PCSK2: variants seen among roughly 807,000 people sequenced by gnomAD.
PCSK2 encodes proprotein convertase subtilisin/kexin type 2.
PCSK2 carries 14 observed loss-of-function variants against 69.7 expected under a neutral mutation model. That is an observed-to-expected ratio of 0.20 (90% CI 0.13 to 0.31). The LOEUF is 0.31. PCSK2 is among the 10% of genes least tolerant of loss of function. The probability of loss-of-function intolerance (pLI) is 1.00; values close to 1 mark genes in which losing one functional copy is unlikely to be tolerated. For missense variants in PCSK2, 544 were observed against 842.5 expected (o/e 0.65, Z 4.39); for synonymous variants, 307 against 320.7 (o/e 0.96, Z 0.46).
In PCSK2 at chr20:17,256,635, T is replaced by A. The variant is rs190050218; in HGVS notation, c.178-3605T>A. 4.5e-3 allele frequency among the ~76,000 whole-genome samples: 688 copies of A among 152,228 alleles called. 2 individuals are homozygous for A. Among genetic ancestry groups the A allele is most frequent in the Middle Eastern group, 0.01 (3 of 294 alleles). ...ACCCCTGTTTTTTTTTCTTTTTTTTTAATTATACTTTAAGTTCTGGGATAC... is the reference window on the plus strand; with the variant it reads ...ACCCCTGTTTTTTTTTCTTTTTTTTAAATTATACTTTAAGTTCTGGGATAC... On this transcript the variant is annotated intron_variant, in intron 1 of 11. Transcript: ENST00000262545.
chr20:17,235,258 T>C (rs771277388), intron 1 of PCSK2, among the ~76,000 whole-genome samples: 57 of 152,158 alleles, frequency 3.7e-4, no homozygotes, highest in Non-Finnish European at 6.9e-4. Context: ...TGACACACTC[T>C]TAATTTCCTG....
At chr20:17,285,292 T>C (rs1988473042) in intron 2 of PCSK2, among the ~76,000 whole-genome samples, 1 of 152,168 alleles carries the variant, frequency 6.6e-6, no homozygotes, top group African/African-American at 2.4e-5. Context: ...AAATAACTGA[T>C]TAGTTAACAT....
intron 10 of PCSK2, 138 bp downstream of exon 10, chr20:17,456,586 G>T (rs1435521046): frequency 3.2e-6 from 2 of 626,892 alleles, no homozygotes; most frequent in Non-Finnish European, 5.7e-6. Flanking sequence ...GAACTCTGCT[G>T]TGCATTTCTA....
intron 2 of PCSK2, among the ~76,000 whole-genome samples, chr20:17,329,669 T>C (rs1990161866): frequency 6.6e-6 from 1 of 152,236 alleles, no homozygotes; most frequent in South Asian, 2.1e-4. Flanking sequence ...TGCAGGATTG[T>C]TACACAAAAT....
chr20:17,424,766 C>T (rs928114346), intron 6 of PCSK2, among the ~76,000 whole-genome samples: 1 of 151,884 alleles, frequency 6.6e-6, no homozygotes, highest in Admixed American at 6.6e-5. Context: ...GCTGGGATTA[C>T]AGGCGTGAGC....
At chr20:17,332,572 C>T (rs1990233236) in intron 2 of PCSK2, among the ~76,000 whole-genome samples, 1 of 152,208 alleles carries the variant, frequency 6.6e-6, no homozygotes, top group Admixed American at 6.5e-5. Context: ...GAACCAGCAG[C>T]ACCAGTGTCA....
intron 2 of PCSK2, among the ~76,000 whole-genome samples, chr20:17,293,610 TAA>T (rs1988769894): frequency 6.6e-6 from 1 of 152,256 alleles, no homozygotes; most frequent in South Asian, 2.1e-4. Flanking sequence ...ATTAATTTAA[TAA>T]AGTGTATTAT....
chr20:17,455,885 A>G (rs925736091), intron 9 of PCSK2, among the ~76,000 whole-genome samples: 3 of 152,324 alleles, frequency 2.0e-5, no homozygotes, highest in African/African-American at 7.2e-5. Flanking sequence ...GGCAAAAGAG[A>G]GGCATATGGA....
At chr20:17,234,880 C>T (rs534535643) in intron 1 of PCSK2, among the ~76,000 whole-genome samples, 23 of 152,184 alleles carry the variant, frequency 1.5e-4, no homozygotes, top group Non-Finnish European at 2.5e-4. Flanking sequence ...TCAGATCCAA[C>T]GTTTCAAAAA....
At chr20:17,346,268 C>T (rs1990650353) in intron 2 of PCSK2, among the ~76,000 whole-genome samples, 1 of 152,162 alleles carries the variant, frequency 6.6e-6, no homozygotes, top group Admixed American at 6.5e-5. Context: ...TCTCTGTGGG[C>T]GCTGTTGGCT....
At chr20:17,290,278 T>C (rs1035696494) in intron 2 of PCSK2, among the ~76,000 whole-genome samples, 1 of 152,210 alleles carries the variant, frequency 6.6e-6, no homozygotes, top group African/African-American at 2.4e-5. Flanking sequence ...TTACCCTGTG[T>C]TCTTGTCATC....
intron 2 of PCSK2, among the ~76,000 whole-genome samples, chr20:17,332,885 A>G (rs180849901): frequency 3.9e-4 from 60 of 152,322 alleles, no homozygotes; most frequent in African/African-American, 1.4e-3. Flanking sequence ...TGTCCTACCA[A>G]GAGAATCCTA....
At chr20:17,274,882 C>T (rs1285911217) in intron 2 of PCSK2, among the ~76,000 whole-genome samples, 1 of 151,956 alleles carries the variant, frequency 6.6e-6, no homozygotes, top group Non-Finnish European at 1.5e-5. Context: ...GCATAAAGCA[C>T]ATTAAAATGA....
chr20:17,299,001 A>G (rs1988989358), intron 2 of PCSK2, among the ~76,000 whole-genome samples: 1 of 152,198 alleles, frequency 6.6e-6, no homozygotes, highest in African/African-American at 2.4e-5. Flanking sequence ...ATGTGTTACA[A>G]ATATTTAACC....
chr20:17,230,214 A>G (rs1986096519), intron 1 of PCSK2, among the ~76,000 whole-genome samples: 3 of 151,412 alleles, frequency 2.0e-5, no homozygotes, highest in African/African-American at 4.9e-5. Context: ...ATGCTTCCCA[A>G]CTCCCTACTG....
At chr20:17,467,311 A>G (rs1223882996) in intron 11 of PCSK2, among the ~76,000 whole-genome samples, 2 of 152,218 alleles carry the variant, frequency 1.3e-5, no homozygotes, top group African/African-American at 4.8e-5. Flanking sequence ...CTCCAAATTC[A>G]TTAGATAAAA....
At chr20:17,302,371 T>A (rs1273087488) in intron 2 of PCSK2, among the ~76,000 whole-genome samples, 4 of 152,106 alleles carry the variant, frequency 2.6e-5, no homozygotes, top group Admixed American at 2.6e-4. Flanking sequence ...TTGAAAACAA[T>A]CTGAAAAACA....
At chr20:17,320,434 C>T (rs1379605632) in intron 2 of PCSK2, among the ~76,000 whole-genome samples, 1 of 152,246 alleles carries the variant, frequency 6.6e-6, no homozygotes, top group Non-Finnish European at 1.5e-5. Context: ...TCTCCCCTCC[C>T]TAGCCAGCCC....
intron 2 of PCSK2, among the ~76,000 whole-genome samples, chr20:17,342,817 CCTTTTTTT>C (rs1486950226): frequency 1.3e-5 from 2 of 151,700 alleles, no homozygotes; most frequent in African/African-American, 4.8e-5. Context: ...TTTTTCTTTT[CCTTTTTTT>C]CTTTTTTTTT....
Sources: gnomAD v4.1 joint callset for allele counts (sites outside exome capture counted in the v4.1 genomes callset) on GRCh38, gnomAD v4.1.1 for gene constraint, MANE v1.5 for transcripts, NCBI Gene and HGNC (gene_info 2026-07-23, HGNC 2026-07-21) for gene names.